Variants in TJP1 observed in about 807,000 individuals in gnomAD.
The protein encoded by TJP1 is tight junction protein ZO-1.
Under a neutral mutation model 194.2 loss-of-function variants are expected in TJP1, and 43 were observed. The ratio of observed to expected loss-of-function variants is 0.22; its 90% CI spans 0.17 to 0.29. The LOEUF (loss-of-function observed/expected upper bound fraction) is 0.29, where lower values mean the gene tolerates loss of function less well. Among genes scored for constraint, TJP1 ranks in the 10% least tolerant of loss-of-function variants. The probability of loss-of-function intolerance (pLI) is 1.00; values close to 1 mark genes in which losing one functional copy is unlikely to be tolerated. For missense variants in TJP1, 1,971 were observed against 2,185.7 expected (o/e 0.90, Z 1.96); for synonymous variants, 801 against 779.0 (o/e 1.03, Z -0.47).
At position 29,822,456 on chromosome 15, in the gene TJP1, A is replaced by G. The variant is rs1472105002; in HGVS notation, c.-428T>C. 4.1e-6 allele frequency: 4 copies of G among 984,794 alleles called. No homozygotes were observed. The highest frequency in any genetic ancestry group is 4.8e-6 in the Non-Finnish European group (4 of 830,162). The allele number at this position is 984,794 out of a possible 1,614,324, so 61.0% of individuals were successfully genotyped here. A position where few individuals can be genotyped will look rare whatever the true frequency, so the allele number is the denominator to read the frequency against. On this transcript the variant is annotated 5_prime_UTR_variant, in exon 1 of 28. Coordinates refer to ENST00000614355, the MANE Select transcript of TJP1 (RefSeq NM_001330239.4). ...TCCGCTGGCTCAGCCGGCGCCGGCA[A>G]CTCAGCGGCCACGCAAACCTGCCGG...
chr15:29,772,301 G>A, intron 3 of TJP1, 135 bp from the exon 4 acceptor site: 1 of 552,876 alleles, frequency 1.8e-6, no homozygotes, highest in South Asian at 2.8e-5. Context: ...TCAGATCAAT[G>A]ATAAAATAAT....
chr15:29,748,958 G>GCGCA lies in TJP1; in HGVS notation c.1011-6178_1011-6177insTGCG, dbSNP rs1491131183. 2.3e-4 allele frequency among the ~76,000 whole-genome samples: 6 copies of GCGCA among 26,330 alleles called. No homozygotes were observed. In the East Asian group the frequency reaches 3.3e-3, roughly 14 times the overall value. 17.3% of individuals were successfully genotyped at this position (26,330 alleles called of 152,430 possible). On this transcript the variant is annotated intron_variant, in intron 8 of 27. Coordinates refer to ENST00000614355, the MANE Select transcript of TJP1 (RefSeq NM_001330239.4). ...TGTGTGTGTGTGTGTGTGTGTGCGCGTGTGTGCGCGCGCGCGTTTGCTATT... is the reference window on the plus strand; with the variant it reads ...TGTGTGTGTGTGTGTGTGTGTGCGCGCGCATGTGTGCGCGCGCGCGTTTGCTATT...
chr15:29,870,758 A>G (rs1284857772), intron 2 of TJP1, among the ~76,000 whole-genome samples: 2 of 152,204 alleles, frequency 1.3e-5, no homozygotes, highest in African/African-American at 2.4e-5. Flanking sequence ...CAGTAACACA[A>G]CCTGTGCTCC....
chr15:29,793,012 A>T (rs2048190309), intron 2 of TJP1, among the ~76,000 whole-genome samples: 2 of 152,332 alleles, frequency 1.3e-5, no homozygotes, highest in South Asian at 4.1e-4. Flanking sequence ...TTTCTGGTAG[A>T]GTCCTTAGGT....
At chr15:29,950,179 C>CACCACCACCACAACCACT (rs796772735) in intron 2 of TJP1, among the ~76,000 whole-genome samples, 4 of 122,190 alleles carry the variant, frequency 3.3e-5, no homozygotes, top group Admixed American at 8.9e-5. Context: ...CCACTACCTC[C>CACCACCACCACAACCACT]ACCTCCACCA....
chr15:29,759,376 A>G (rs1302365420), intron 8 of TJP1: 2 of 152,222 alleles, frequency 1.3e-5, no homozygotes, highest in Admixed American at 6.5e-5. Flanking sequence ...CATTGTATCT[A>G]TTAAAGGTGT....
At chr15:29,760,990 G>C in intron 8 of TJP1, 149 bp downstream of exon 8, 1 of 1,053,798 alleles carries the variant, frequency 9.5e-7, no homozygotes, top group Non-Finnish European at 1.3e-6. Flanking sequence ...GGTTATTTTA[G>C]ATTTAAAAAA....
chr15:29,881,516 A>G (rs2052929346), intron 2 of TJP1, among the ~76,000 whole-genome samples: 2 of 152,164 alleles, frequency 1.3e-5, no homozygotes, highest in African/African-American at 4.8e-5. Context: ...AAATTCTGCC[A>G]GTGTCACTGT....
intron 18 of TJP1, among the ~76,000 whole-genome samples, chr15:29,725,450 G>A (rs1286740870): frequency 6.6e-6 from 1 of 151,998 alleles, no homozygotes; most frequent in African/African-American, 2.4e-5. Flanking sequence ...GGACCATGCG[G>A]GGGCAAAACA....
At chr15:29,856,857 CAA>C (rs77177219) in intron 2 of TJP1, among the ~76,000 whole-genome samples, 12 of 101,182 alleles carry the variant, frequency 1.2e-4, no homozygotes, top group African/African-American at 2.2e-4. Flanking sequence ...GACTCCGTCT[CAA>C]AAAAAAAAAA....
chr15:29,711,819 T>C (rs1315978511), intron 23 of TJP1, among the ~76,000 whole-genome samples: 1 of 152,200 alleles, frequency 6.6e-6, no homozygotes, highest in African/African-American at 2.4e-5. Context: ...TTGTTAGAAC[T>C]ATTCAAATTA....
chr15:29,699,858 TGCAGGGGTGTTTCTCCAC>T (rs140192824), downstream of TJP1: 1,137 of 169,208 alleles, frequency 6.7e-3, 27 homozygotes, highest in East Asian at 0.083. Flanking sequence ...TGTGTCCCCA[TGCAGGGGTGTTTCTCCAC>T]GCAGGGGTGT....
At chr15:29,872,346 C>A (rs1337227649) in intron 2 of TJP1, among the ~76,000 whole-genome samples, 1 of 152,132 alleles carries the variant, frequency 6.6e-6, no homozygotes, top group Non-Finnish European at 1.5e-5. Flanking sequence ...GAGCCTTGAA[C>A]TCAAATTCAA....
intron 2 of TJP1, among the ~76,000 whole-genome samples, chr15:29,889,196 A>G (rs2053224783): frequency 6.6e-6 from 1 of 152,228 alleles, no homozygotes; most frequent in Non-Finnish European, 1.5e-5. Flanking sequence ...GTCCTGTCAT[A>G]ATGTTCTTAT....
chr15:29,963,734 A>G (rs556807323), intron 1 of TJP1, among the ~76,000 whole-genome samples: 4 of 152,042 alleles, frequency 2.6e-5, no homozygotes, highest in Admixed American at 6.5e-5. Flanking sequence ...GCTCACTGCA[A>G]CCTCCACCTC....
chr15:29,930,694 C>A (rs80138956), intron 2 of TJP1, among the ~76,000 whole-genome samples: 2,122 of 150,198 alleles, frequency 0.014, 50 homozygotes, highest in African/African-American at 0.049. Context: ...CTATCAATCA[C>A]AGCCTCCATT....
chr15:29,920,604 G>T (rs2054326031), intron 2 of TJP1, among the ~76,000 whole-genome samples: 1 of 152,168 alleles, frequency 6.6e-6, no homozygotes, highest in African/African-American at 2.4e-5. Flanking sequence ...CTATCTTCGG[G>T]GTTGCAGTTT....
rs189606194 is a variant in TJP1, at chr15:29,960,821, G to A, written c.174-4457C>T. Among the ~76,000 whole-genome samples, 4 of 152,120 alleles carry A rather than the reference G, an allele frequency of 2.6e-5. No individual in the cohort carries two copies. In the East Asian group the frequency reaches 7.7e-4, roughly 29 times the overall value. ...TTGACCAGATCTTTGGGAAGCTGAGGTAAACTGTTAAAAGGCATATGGCTC... is the reference window on the plus strand; with the variant it reads ...TTGACCAGATCTTTGGGAAGCTGAGATAAACTGTTAAAAGGCATATGGCTC... On this transcript the variant is annotated intron_variant, in intron 1 of 28. Coordinates refer to the TJP1 transcript ENST00000356107.
chr15:29,715,476 G>GT lies in TJP1; in HGVS notation c.4202+1134dup, dbSNP rs2042506740. On this transcript the variant is annotated intron_variant, in intron 23 of 27. Transcript: ENST00000614355. Reference sequence around the variant, plus strand: ...TTAAAATTAGGTTTTAATGTTAGTGGTTTTAAAGTATGTTCTAAAACAATT... The same window carrying GT: ...TTAAAATTAGGTTTTAATGTTAGTGGTTTTTAAAGTATGTTCTAAAACAATT... Among the ~76,000 whole-genome samples, 6 of 152,274 alleles carry GT rather than the reference G, an allele frequency of 3.9e-5. No homozygotes were observed. In the South Asian group the frequency reaches 1.2e-3, roughly 32 times the overall value.
Sources: allele counts gnomAD v4.1 joint callset (sites outside exome capture counted in the v4.1 genomes callset), GRCh38; gene constraint gnomAD v4.1.1; transcripts MANE v1.5; gene names NCBI Gene and HGNC (gene_info 2026-07-23, HGNC 2026-07-21).